The following CDH20 variants were observed in gnomAD, a reference collection of about 807,000 sequenced individuals.
CDH20 encodes the protein cadherin-20.
A neutral mutation model predicts 74.2 loss-of-function variants in CDH20; 29 were observed. That is an observed-to-expected ratio of 0.39 (90% CI 0.29 to 0.53). The LOEUF (loss-of-function observed/expected upper bound fraction) is 0.53. CDH20 is among the 20% of genes least tolerant of loss of function. CDH20 has a pLI of 0.69. For synonymous variants in CDH20, 469 were observed against 405.4 expected (o/e 1.16, Z -1.88); for missense variants, 988 against 1,048.3 (o/e 0.94, Z 0.79).
intron 1 of CDH20, among the ~76,000 whole-genome samples, chr18:61,389,374 C>T (rs1387841997): frequency 7.1e-6 from 1 of 140,922 alleles, no homozygotes; most frequent in Non-Finnish European, 1.5e-5. Flanking sequence ...AGTTCAATGC[C>T]TTTTCTACTA....
At chr18:61,511,375 G>T (rs967697461) in intron 6 of CDH20, among the ~76,000 whole-genome samples, 1 of 151,962 alleles carries the variant, frequency 6.6e-6, no homozygotes, top group African/African-American at 2.4e-5. Flanking sequence ...GTAGAGACAA[G>T]GTCACCCTAT....
In CDH20 at chr18:61,503,062, C is replaced by A; in HGVS notation, c.771C>A (p.Thr257=). The change falls in exon 5 of 12, where the codon ACC becomes ACA. Residue 257 remains threonine, a synonymous_variant. Coordinates refer to ENST00000262717, the MANE Select transcript of CDH20 (RefSeq NM_031891.4). ...GGCAGCTTGGAGGATTAGCTGGGAC[C>A]ACAACAGTCAACATCACCCTCTCAG... ...MGGQLGGLAG[T]TTVNITLSDV... The A allele has an allele frequency of 1.2e-6, 2 of 1,613,796 alleles. No homozygotes were observed. The highest frequency in any genetic ancestry group is 2.2e-5 in the East Asian group (1 of 44,866).
At chr18:61,370,671 A>G (rs941492862) in intron 1 of CDH20, among the ~76,000 whole-genome samples, 14 of 152,044 alleles carry the variant, frequency 9.2e-5, no homozygotes, top group African/African-American at 3.1e-4. Context: ...ACCCTCCGCA[A>G]ATTTCAAGTA....
chr18:61,396,051 GTT>G (rs111225972), intron 1 of CDH20, among the ~76,000 whole-genome samples: 5,627 of 151,156 alleles, frequency 0.037, 145 homozygotes, highest in Non-Finnish European at 0.049. Flanking sequence ...GTGTGTGTGT[GTT>G]TGTGTGTGTG....
intron 1 of CDH20, among the ~76,000 whole-genome samples, chr18:61,434,472 G>T (rs1332088672): frequency 1.3e-5 from 2 of 152,082 alleles, no homozygotes; most frequent in African/African-American, 4.8e-5. Flanking sequence ...ATTTTGCATG[G>T]TAACCTCACT....
rs200896787 is a variant in CDH20 at position 61,381,967 on chromosome 18, A to AC, written c.-153+48148dup. Among the ~76,000 whole-genome samples, 1,218 of 150,540 alleles carry AC rather than the reference A, an allele frequency of 8.1e-3. 22 individuals are homozygous for AC. Among genetic ancestry groups the AC allele is most frequent in the African/African-American group, 0.025 (1,029 of 40,956 alleles). On this transcript the variant is annotated intron_variant, in intron 1 of 11. Coordinates refer to ENST00000262717, the MANE Select transcript of CDH20 (RefSeq NM_031891.4). ...TGTCCTTGACCCTTCTGTCACTACT[A>AC]CCCCCCCCAGTATGGTCACAACTTC...
At position 61,411,911 on chromosome 18, in the gene CDH20, G is replaced by A. The variant is rs139354008; in HGVS notation, c.-153+78084G>A. Among the ~76,000 whole-genome samples, 212 of 152,058 alleles carry A rather than the reference G, an allele frequency of 1.4e-3. 2 individuals are homozygous for A. The East Asian group carries it at 0.024, about 17-fold the overall frequency. On this transcript the variant is annotated intron_variant, in intron 1 of 11. Transcript: ENST00000262717. ...AAACTGGGGTCAGTGTATACTGCTC[G>A]GGTGATGGGTGCACCAAAATCTCAC... is the stretch of plus-strand genomic sequence containing the variant.
chr18:61,546,316 TA>T (rs1385888993), intron 10 of CDH20, among the ~76,000 whole-genome samples: 1 of 152,260 alleles, frequency 6.6e-6, no homozygotes, highest in Non-Finnish European at 1.5e-5. Context: ...TTTTCTGCTG[TA>T]AAACTTGAGA....
At chr18:61,381,350 G>T (rs1329000478) in intron 1 of CDH20, among the ~76,000 whole-genome samples, 1 of 152,214 alleles carries the variant, frequency 6.6e-6, no homozygotes, top group Non-Finnish European at 1.5e-5. Flanking sequence ...GGTACTCACT[G>T]AAAGAATCAT....
chr18:61,408,161 T>C (rs1912390334), intron 1 of CDH20, among the ~76,000 whole-genome samples: 2 of 152,082 alleles, frequency 1.3e-5, no homozygotes, highest in East Asian at 1.9e-4. Context: ...TAATAAATTA[T>C]TAAGGGGGAA....
At position 61,513,034 on chromosome 18, in the gene CDH20, T is replaced by C. The variant is rs370116744; in HGVS notation, c.1017+5474T>C. Among the ~76,000 whole-genome samples, 184 of 152,058 alleles carry C rather than the reference T, an allele frequency of 1.2e-3. 1 individual carries two copies. The highest frequency in any genetic ancestry group is 3.4e-3 in the Middle Eastern group (1 of 294). On this transcript the variant is annotated intron_variant, in intron 6 of 11. Coordinates refer to ENST00000262717, the MANE Select transcript of CDH20 (RefSeq NM_031891.4). Reference sequence around the variant, plus strand: ...TCTATTAGGTCCGCTTGGTGCAGAGTTGAGTTCAATTCCTGGGTATCCTTG... The same window carrying C: ...TCTATTAGGTCCGCTTGGTGCAGAGCTGAGTTCAATTCCTGGGTATCCTTG...
intron 1 of CDH20, among the ~76,000 whole-genome samples, chr18:61,384,521 AG>A (rs1422892584): frequency 6.6e-6 from 1 of 152,190 alleles, no homozygotes; most frequent in Non-Finnish European, 1.5e-5. Context: ...CTAAACAAAA[AG>A]GTTGCTAGGC....
intron 1 of CDH20, among the ~76,000 whole-genome samples, chr18:61,347,740 C>T (rs1007366474): frequency 3.3e-5 from 5 of 152,156 alleles, no homozygotes; most frequent in Non-Finnish European, 7.3e-5. Flanking sequence ...GGAACAGCCT[C>T]TCCTCAGAGG....
At chr18:61,517,226 A>G (rs1912031333) in intron 6 of CDH20, among the ~76,000 whole-genome samples, 1 of 152,160 alleles carries the variant, frequency 6.6e-6, no homozygotes, top group South Asian at 2.1e-4. Flanking sequence ...CAGAATCCCA[A>G]CCTACCAAAG....
At chr18:61,385,489 G>A (rs1298168051) in intron 1 of CDH20, among the ~76,000 whole-genome samples, 1 of 151,094 alleles carries the variant, frequency 6.6e-6, no homozygotes, top group Non-Finnish European at 1.5e-5. Context: ...AAATCAAAAG[G>A]CAAAAATGGA....
chr18:61,411,049 AATTAGC>A (rs1912478734), intron 1 of CDH20, among the ~76,000 whole-genome samples: 1 of 151,712 alleles, frequency 6.6e-6, no homozygotes, highest in African/African-American at 2.4e-5. Context: ...AAATACAAAA[AATTAGC>A]AGGGCGTGGT....
intron 1 of CDH20, among the ~76,000 whole-genome samples, chr18:61,484,737 CCACACACACACACACACACA>C (rs36203080): frequency 0.38 from 55,774 of 146,262 alleles, 11,084 homozygotes; most frequent in East Asian, 0.47. Context: ...TTGCTCTACT[CCACACACACACACACACACA>C]CACACACACA....
intron 1 of CDH20, among the ~76,000 whole-genome samples, chr18:61,347,323 C>CACATATATATATATATAT (rs1910157292): frequency 1.5e-5 from 1 of 68,328 alleles, no homozygotes; most frequent in African/African-American, 6.7e-5. Context: ...TATATATACA[C>CACATATATATATATATAT]ACACACACAC....
At chr18:61,531,835 C>G (rs1446045954) in intron 7 of CDH20, among the ~76,000 whole-genome samples, 1 of 152,200 alleles carries the variant, frequency 6.6e-6, no homozygotes, top group Non-Finnish European at 1.5e-5. Context: ...CACTTATTCT[C>G]TCTCCTACCA....
Sources: gnomAD v4.1 joint callset for allele counts (sites outside exome capture counted in the v4.1 genomes callset) on GRCh38, gnomAD v4.1.1 for gene constraint, MANE v1.5 for transcripts, NCBI Gene and HGNC (gene_info 2026-07-23, HGNC 2026-07-21) for gene names.